SLC9A7: variants seen among roughly 807,000 people sequenced by gnomAD.
SLC9A7 encodes sodium/hydrogen exchanger 7.
Under a neutral mutation model 52.6 loss-of-function variants are expected in SLC9A7, and 19 were observed. The observed-to-expected ratio is 0.36, with a 90% CI of 0.25 to 0.53. SLC9A7 has a LOEUF of 0.53. Among genes scored for constraint, SLC9A7 ranks in the 20% least tolerant of loss-of-function variants. The probability of loss-of-function intolerance (pLI) is 0.91; values close to 1 mark genes in which losing one functional copy is unlikely to be tolerated. For synonymous variants in SLC9A7, 226 were observed against 252.1 expected (o/e 0.90, Z 0.98); for missense variants, 455 against 597.9 (o/e 0.76, Z 2.49).
chrX:46,675,069 G>A lies in SLC9A7; in HGVS notation c.604-2442C>T, dbSNP rs1360310916. ...AAAGAGAGAGAGAGTGAATGTGTGTGTGTGTGTGTGTGTGTGTGTGTGTGT... is the reference window on the plus strand; with the variant it reads ...AAAGAGAGAGAGAGTGAATGTGTGTATGTGTGTGTGTGTGTGTGTGTGTGT... On this transcript the variant is annotated intron_variant, in intron 3 of 16. Transcript: ENST00000616978. Among the ~76,000 whole-genome samples the A allele has an allele frequency of 8.7e-5, 4 of 45,923 alleles. No homozygotes were observed. The African/African-American group carries it at 1.9e-3, about 22-fold the overall frequency. 39.9% of individuals were successfully genotyped at this position (45,923 alleles called of 115,157 possible).
intron 1 of SLC9A7, among the ~76,000 whole-genome samples, chrX:46,729,630 G>A (rs1944996982): frequency 9.0e-6 from 1 of 110,701 alleles, no homozygotes; most frequent in South Asian, 3.8e-4. Flanking sequence ...AAAATTAGCT[G>A]GGCATGGTGG....
intron 7 of SLC9A7, among the ~76,000 whole-genome samples, chrX:46,657,025 C>T (rs1244419900): frequency 5.6e-5 from 6 of 106,516 alleles, no homozygotes; most frequent in Admixed American, 3.0e-4. Context: ...GCGGATCTCT[C>T]GGCAGAAACT....
rs1245662633 is a variant in SLC9A7 at position 46,600,978 on chromosome X, C to G, written c.*5974G>C. Reference sequence around the variant, plus strand: ...AAGAACAACAGAATAGCTCAGAACTCAATGATACCAGTCTAATGTATATGA... The same window carrying G: ...AAGAACAACAGAATAGCTCAGAACTGAATGATACCAGTCTAATGTATATGA... On this transcript the variant is annotated 3_prime_UTR_variant, in exon 17 of 17. Transcript: ENST00000616978. The G allele has an allele frequency of 8.9e-6, 1 of 111,934 alleles. No individual in the cohort carries two copies. Among genetic ancestry groups the G allele is most frequent in the African/African-American group, 3.2e-5 (1 of 30,808 alleles). 9.2% of individuals were successfully genotyped at this position (111,934 alleles called of 1,213,427 possible).
chrX:46,670,879 A>G (rs1325624929), intron 4 of SLC9A7, among the ~76,000 whole-genome samples: 1 of 111,519 alleles, frequency 9.0e-6, no homozygotes, highest in East Asian at 2.8e-4. Flanking sequence ...CCCTTTAAAC[A>G]TTCCTGGAAC....
In SLC9A7 at chrX:46,600,261, AGAT is replaced by A; in HGVS notation, c.*6688_*6690del. On this transcript the variant is annotated 3_prime_UTR_variant, in exon 17 of 17. Transcript: ENST00000616978. Reference sequence around the variant, plus strand: ...GCCTTTTTTAAGTGCTTGAGACAGCAGATGTTGAGGTTTCCATGCTGTTTACAA... The same window carrying A: ...GCCTTTTTTAAGTGCTTGAGACAGCAGTTGAGGTTTCCATGCTGTTTACAA... 1 of 112,311 alleles carries A rather than the reference AGAT, an allele frequency of 8.9e-6. No individual in the cohort carries two copies. The highest frequency in any genetic ancestry group is 9.5e-5 in the Admixed American group (1 of 10,578). The allele number at this position is 112,311 out of a possible 1,213,427, so 9.3% of individuals were successfully genotyped here. A position where few individuals can be genotyped will look rare whatever the true frequency, so the allele number is the denominator to read the frequency against.
At chrX:46,689,897 T>C (rs1166025913) in intron 1 of SLC9A7, among the ~76,000 whole-genome samples, 2 of 111,414 alleles carry the variant, frequency 1.8e-5, no homozygotes, top group Non-Finnish European at 3.8e-5. Context: ...TGTGTTAGTC[T>C]GCTGAGAATG....
chrX:46,600,300 A>AT lies in SLC9A7; in HGVS notation c.*6651dup, dbSNP rs1942641744. On this transcript the variant is annotated 3_prime_UTR_variant, in exon 17 of 17. Coordinates refer to ENST00000616978, the MANE Select transcript of SLC9A7 (RefSeq NM_001257291.2). ...CCATGCTGTTTACAAGTCCTTTTCT[A>AT]TCTGAGTTCCTCCAACATATACAGG... 8.9e-6 allele frequency: 1 copy of AT among 112,084 alleles called. No individual in the cohort carries two copies. 9.2% of individuals were successfully genotyped at this position (112,084 alleles called of 1,213,427 possible).
At chrX:46,635,084 G>T (rs1424642936) in intron 13 of SLC9A7, among the ~76,000 whole-genome samples, 1 of 112,110 alleles carries the variant, frequency 8.9e-6, no homozygotes, top group Non-Finnish European at 1.9e-5. Flanking sequence ...ATATCTTCTG[G>T]TTCACCATGA....
chrX:46,698,099 C>A (rs988323822), intron 1 of SLC9A7, among the ~76,000 whole-genome samples: 1 of 112,009 alleles, frequency 8.9e-6, no homozygotes, highest in Non-Finnish European at 1.9e-5. Context: ...GACTAAGGTG[C>A]CCAAAACTTC....
intron 1 of SLC9A7, among the ~76,000 whole-genome samples, chrX:46,736,250 T>C (rs1347344389): frequency 8.9e-6 from 1 of 112,427 alleles, no homozygotes; most frequent in African/African-American, 3.2e-5. Flanking sequence ...ACTTCATTTG[T>C]TACTGTATTT....
chrX:46,714,665 G>A (rs997724681), intron 1 of SLC9A7, among the ~76,000 whole-genome samples: 1 of 112,218 alleles, frequency 8.9e-6, no homozygotes, highest in Non-Finnish European at 1.9e-5. Flanking sequence ...TCTAGTGTTT[G>A]GAGATATATG....
chrX:46,665,557 CAAAAA>C (rs754854403), intron 5 of SLC9A7, among the ~76,000 whole-genome samples: 1 of 21,784 alleles, frequency 4.6e-5, no homozygotes. Flanking sequence ...GACTCCATCT[CAAAAA>C]AAAAAAAAAA....
intron 1 of SLC9A7, among the ~76,000 whole-genome samples, chrX:46,748,419 A>G (rs5906271): frequency 0.43 from 37,825 of 88,309 alleles, 7,453 homozygotes; most frequent in Non-Finnish European, 0.59. Context: ...AAGGAAGGAC[A>G]GACAGAAGGA....
intron 1 of SLC9A7, among the ~76,000 whole-genome samples, chrX:46,749,309 T>C (rs1024436132): frequency 1.8e-5 from 2 of 112,112 alleles, no homozygotes; most frequent in Admixed American, 9.5e-5. Context: ...TGTTCTAGGG[T>C]CTGGGGAGAC....
chrX:46,730,416 T>C (rs1372351550), intron 1 of SLC9A7, among the ~76,000 whole-genome samples: 2 of 108,026 alleles, frequency 1.9e-5, no homozygotes, highest in Non-Finnish European at 3.8e-5. Context: ...CCCAGCACTT[T>C]GGGAGGCCAA....
At chrX:46,727,986 T>C (rs1944971422) in intron 1 of SLC9A7, among the ~76,000 whole-genome samples, 1 of 112,031 alleles carries the variant, frequency 8.9e-6, no homozygotes, top group South Asian at 3.6e-4. Context: ...TAAGATGGAA[T>C]AAAAATTGTA....
chrX:46,634,301 G>A (rs1338730867), intron 13 of SLC9A7, among the ~76,000 whole-genome samples: 2 of 111,500 alleles, frequency 1.8e-5, no homozygotes, highest in South Asian at 3.8e-4. Context: ...GCAAACTGAT[G>A]TGCTCATTCT....
chrX:46,623,568 G>C (rs1943078267), intron 14 of SLC9A7, among the ~76,000 whole-genome samples: 1 of 111,428 alleles, frequency 9.0e-6, no homozygotes, highest in Non-Finnish European at 1.9e-5. Context: ...GATATCACAG[G>C]CTCTCTCAAG....
At chrX:46,642,371 C>G (rs1304149283) in intron 12 of SLC9A7, among the ~76,000 whole-genome samples, 1 of 112,545 alleles carries the variant, frequency 8.9e-6, no homozygotes, top group Non-Finnish European at 1.9e-5. Flanking sequence ...TCTTCTTGTT[C>G]CAGAACACGG....
Sources: allele counts gnomAD v4.1 joint callset (sites outside exome capture counted in the v4.1 genomes callset), GRCh38; gene constraint gnomAD v4.1.1; transcripts MANE v1.5; gene names NCBI Gene and HGNC (gene_info 2026-07-23, HGNC 2026-07-21).